The following TBC1D12 variants were observed in gnomAD, a reference collection of about 807,000 sequenced individuals.
TBC1D12 encodes TBC1 domain family member 12, also known as TBC1 domain family, member 12.
In TBC1D12, 56 loss-of-function variants were observed where a neutral mutation model predicts 86.7. That is an observed-to-expected ratio of 0.65 (90% CI 0.52 to 0.81). The LOEUF is 0.81. TBC1D12 is among the 30% of genes least tolerant of loss of function. The probability of loss-of-function intolerance (pLI) is 0.00; values close to 1 mark genes in which losing one functional copy is unlikely to be tolerated. For synonymous variants in TBC1D12, 421 were observed against 411.7 expected, an observed-to-expected ratio of 1.02 and a Z score of -0.27; for missense variants, 1,023 against 1,038.8, an observed-to-expected ratio of 0.98 and a Z score of 0.21.
chr10:94,485,696 G>T (rs558222484), intron 3 of TBC1D12, among the ~76,000 whole-genome samples: 3 of 151,992 alleles, frequency 2.0e-5, no homozygotes, highest in African/African-American at 7.2e-5. Context: ...TAAATGTTTG[G>T]TAGAATTCAG....
intron 6 of TBC1D12, among the ~76,000 whole-genome samples, chr10:94,505,695 T>G (rs116371501): frequency 4.6e-5 from 7 of 152,156 alleles, no homozygotes; most frequent in Non-Finnish European, 7.4e-5. Context: ...AAGAGTCTGT[T>G]TGAAATATAT....
intron 1 of TBC1D12, 41 bp from the exon 2 acceptor site, chr10:94,441,855 G>T: frequency 6.3e-7 from 1 of 1,591,680 alleles, no homozygotes; most frequent in Non-Finnish European, 8.5e-7. Context: ...TAGCTCTCTG[G>T]TTACAAAAAA....
At chr10:94,424,025 A>G (rs979137572) in intron 1 of TBC1D12, among the ~76,000 whole-genome samples, 1 of 152,180 alleles carries the variant, frequency 6.6e-6, no homozygotes, top group Non-Finnish European at 1.5e-5. Flanking sequence ...AACTATTTAC[A>G]TAGCATTTAC....
chr10:94,454,151 G>T (rs953553657), intron 2 of TBC1D12, among the ~76,000 whole-genome samples: 3 of 152,124 alleles, frequency 2.0e-5, no homozygotes, highest in African/African-American at 7.2e-5. Context: ...AAAATAATTT[G>T]CTGAGATTTT....
rs895243324 is a variant in TBC1D12 at position 94,402,697 on chromosome 10, G to C, written c.84G>C (p.Gln28His). The C allele has an allele frequency of 2.5e-6, 4 of 1,598,278 alleles. No individual in the cohort carries two copies. The African/African-American group carries it at 5.4e-5, about 21-fold the overall frequency. ...LPVPAPDPVGQDRKVIRATGG... is the reference protein window; with the variant it reads ...LPVPAPDPVGHDRKVIRATGG... Reference sequence around the variant, plus strand: ...TGCCTGCGCCGGACCCCGTGGGCCAGGACAGGAAGGTAATCCGGGCCACGG... The same window carrying C: ...TGCCTGCGCCGGACCCCGTGGGCCACGACAGGAAGGTAATCCGGGCCACGG... The change falls in exon 1 of 13, where the codon CAG becomes CAC. Residue 28 changes from glutamine (Q) to histidine (H), a missense_variant. Coordinates refer to ENST00000225235, the MANE Select transcript of TBC1D12 (RefSeq NM_015188.2).
rs201670570 is a variant in TBC1D12, at chr10:94,511,650, G to T, written c.1757G>T (p.Gly586Val). ...TACACATGCTACAGGCCTGATGTTG[G>T]TTATGTAAGTATTTGTTTCCATCTG... Reference protein sequence around the residue: ...GAYTCYRPDVGYVQGMSFIAA... With the variant: ...GAYTCYRPDVVYVQGMSFIAA... Residue 586 changes from glycine (G) to valine (V), a missense_variant, in exon 9 of 13, where the codon GGT (glycine) becomes GTT (valine). Gly to Val is a moderately radical substitution (Grantham distance 109). Around this residue, in one of 2 missense-constraint regions of TBC1D12, gnomAD observed 395 missense variants for 507.7 expected, o/e 0.78. Transcript: ENST00000225235. 4.4e-6 allele frequency: 7 copies of T among 1,608,254 alleles called. No individual in the cohort carries two copies. The highest frequency in any genetic ancestry group is 6.0e-6 in the Non-Finnish European group (7 of 1,176,230).
rs756822838 is a variant in TBC1D12, at chr10:94,402,712, C to A, written c.99C>A (p.Ile33=). ...CCGTGGGCCAGGACAGGAAGGTAAT[C>A]CGGGCCACGGGCGGCTTTGGCGGAG... The part of the protein sequence containing the change: ...PDPVGQDRKV[I]RATGGFGGGV... Residue 33 remains isoleucine (I), a synonymous_variant, in exon 1 of 13, where the codon ATC becomes ATA. Coordinates refer to ENST00000225235, the MANE Select transcript of TBC1D12 (RefSeq NM_015188.2). The A allele has an allele frequency of 9.5e-6, 15 of 1,585,696 alleles. No homozygotes were observed. Among genetic ancestry groups the A allele is most frequent in the Admixed American group, 3.5e-5 (2 of 56,550 alleles).
At chr10:94,496,952 T>C in intron 4 of TBC1D12, 103 bp from the exon 5 acceptor site, 1 of 568,468 alleles carries the variant, frequency 1.8e-6, no homozygotes, top group Non-Finnish European at 2.8e-6. Flanking sequence ...CTTATGATAA[T>C]ATTCTTTTTG....
At chr10:94,447,095 A>G (rs1320510940) in intron 2 of TBC1D12, among the ~76,000 whole-genome samples, 1 of 149,732 alleles carries the variant, frequency 6.7e-6, no homozygotes, top group African/African-American at 2.4e-5. Context: ...ATGTATTATT[A>G]GTGACACAAA....
In TBC1D12 at chr10:94,531,406, G is replaced by T. The variant is rs201483355; in HGVS notation, c.2205G>T (p.Leu735=). The part of the protein sequence containing the change: ...KLPEDITSEK[L]FSCIAAIQMQ... The stretch of plus-strand genomic sequence containing the variant: ...CAGAAGATATCACATCGGAAAAGCT[G>T]TTCAGTTGTATTGCAGCCATTCAGA... Residue 735 remains leucine (L), a synonymous_variant, in exon 12 of 13, where the codon CTG becomes CTT. Transcript: ENST00000225235. The T allele has an allele frequency of 3.5e-3, 5,614 of 1,614,058 alleles. 17 individuals are homozygous for T. The highest frequency in any genetic ancestry group is 4.0e-3 in the Non-Finnish European group (4,709 of 1,179,998).
chr10:94,460,961 C>G (rs2055718956), intron 2 of TBC1D12, among the ~76,000 whole-genome samples: 1 of 152,082 alleles, frequency 6.6e-6, no homozygotes, highest in East Asian at 1.9e-4. Context: ...TCATCTCTTA[C>G]ATTATTCTTG....
chr10:94,438,462 GA>G (rs1342747354), intron 1 of TBC1D12, among the ~76,000 whole-genome samples: 1 of 152,032 alleles, frequency 6.6e-6, no homozygotes, highest in African/African-American at 2.4e-5. Flanking sequence ...GGAGAGTAGT[GA>G]AACTGATGCA....
chr10:94,485,369 G>C (rs562870546), intron 3 of TBC1D12, among the ~76,000 whole-genome samples: 1 of 151,990 alleles, frequency 6.6e-6, no homozygotes, highest in Non-Finnish European at 1.5e-5. Flanking sequence ...TTTCTGTTGA[G>C]GTGATGTATC....
intron 6 of TBC1D12, among the ~76,000 whole-genome samples, chr10:94,505,396 T>A (rs1246318062): frequency 6.6e-6 from 1 of 152,090 alleles, no homozygotes; most frequent in African/African-American, 2.4e-5. Context: ...CTGGCCAACA[T>A]GGTGAAACCA....
intron 1 of TBC1D12, among the ~76,000 whole-genome samples, chr10:94,438,794 G>A (rs529580274): frequency 2.0e-5 from 3 of 147,652 alleles, no homozygotes. Flanking sequence ...GTTACTCTTA[G>A]TTTTTTTTTT....
At chr10:94,510,824 A>G (rs1471524103) in intron 8 of TBC1D12, among the ~76,000 whole-genome samples, 1 of 152,176 alleles carries the variant, frequency 6.6e-6, no homozygotes, top group African/African-American at 2.4e-5. Flanking sequence ...TCAAGTCTTT[A>G]TACATGGAAT....
intron 1 of TBC1D12, among the ~76,000 whole-genome samples, chr10:94,437,991 CTTTTTTTTT>C (rs60477158): frequency 3.3e-5 from 1 of 30,044 alleles, no homozygotes; most frequent in African/African-American, 1.6e-4. Flanking sequence ...TCTCCTGGAG[CTTTTTTTTT>C]TTTTTTTTTT....
intron 11 of TBC1D12, among the ~76,000 whole-genome samples, 178 bp downstream of exon 11, chr10:94,522,631 C>T (rs1051354404): frequency 7.9e-5 from 12 of 152,046 alleles, no homozygotes; most frequent in African/African-American, 2.2e-4. Flanking sequence ...AGCATGGACT[C>T]GGCTGGGTGT....
In TBC1D12 at chr10:94,536,128, G is replaced by T. The variant is rs1000165897; in HGVS notation, c.*3032G>T. Among the ~76,000 whole-genome samples, 1 of 151,956 alleles carries T rather than the reference G, an allele frequency of 6.6e-6. No homozygotes were observed. The highest frequency in any genetic ancestry group is 1.5e-5 in the Non-Finnish European group (1 of 67,970). On this transcript the variant is annotated 3_prime_UTR_variant, in exon 13 of 13. Coordinates refer to ENST00000225235, the MANE Select transcript of TBC1D12 (RefSeq NM_015188.2). ...ATCTTCTCTTGAGCCCAGTATGTAG[G>T]AAATATGTGATAATTCACATGGTCA...
Sources: gnomAD v4.1 joint callset for allele counts (sites outside exome capture counted in the v4.1 genomes callset) on GRCh38, gnomAD v4.1.1 for gene constraint, gnomAD v4.1.1 regional missense constraint, MANE v1.5 for transcripts, NCBI Gene and HGNC (gene_info 2026-07-23, HGNC 2026-07-21) for gene names.